Variants in ARHGEF10 observed in about 807,000 individuals in gnomAD.
ARHGEF10 encodes the protein Rho guanine nucleotide exchange factor (GEF) 10.
In ARHGEF10, 140 loss-of-function variants were observed where a neutral mutation model predicts 147.4. The observed-to-expected ratio is 0.95, with a 90% CI of 0.83 to 1.09. The LOEUF (loss-of-function observed/expected upper bound fraction) is 1.09. Ranked by LOEUF, ARHGEF10 falls within the 50% of genes least tolerant of loss-of-function variation. ARHGEF10 has a pLI of 0.00. For missense variants in ARHGEF10, 2,222 were observed against 1,752.7 expected (o/e 1.27, Z -4.78); for synonymous variants, 902 against 695.8 (o/e 1.30, Z -4.67).
intron 27 of ARHGEF10, among the ~76,000 whole-genome samples, chr8:1,949,408 C>T (rs377376819): frequency 4.1e-4 from 62 of 152,278 alleles, no homozygotes; most frequent in African/African-American, 1.3e-3. Context: ...TTAGAGCGGT[C>T]GTTACCTTTC....
rs762833112 is a variant in ARHGEF10, at chr8:1,898,477, G to A, written c.1602G>A (p.Leu534=). Reference sequence around the variant, plus strand: ...CCGATCGAACCACGCTCTACAGCCTGATGATGAAGCCCATCCAGAGGTTCC... The same window carrying A: ...CCGATCGAACCACGCTCTACAGCCTAATGATGAAGCCCATCCAGAGGTTCC... The part of the protein sequence containing the change: ...ASPDRTTLYS[L]MMKPIQRFPQ... Residue 534 remains leucine, a synonymous_variant, in exon 15 of 29, where the codon CTG becomes CTA. Coordinates refer to ENST00000349830, the MANE Select transcript of ARHGEF10 (RefSeq NM_014629.4). The A allele has an allele frequency of 6.2e-7, 1 of 1,614,162 alleles. No individual in the cohort carries two copies. Among genetic ancestry groups the A allele is most frequent in the Admixed American group, 1.7e-5 (1 of 60,020 alleles).
intron 6 of ARHGEF10, 142 bp downstream of exon 6, chr8:1,866,744 G>C (rs1424511571): frequency 4.5e-6 from 4 of 883,878 alleles, no homozygotes; most frequent in Middle Eastern, 6.5e-4. Context: ...AGTAACATGG[G>C]CTGACTGTGC....
chr8:1,888,878 G>GT lies in ARHGEF10; in HGVS notation c.1182+3173dup, dbSNP rs1290759976. On this transcript the variant is annotated intron_variant, in intron 11 of 28. Transcript: ENST00000349830. ...TGAGGAGACACTGAGTGGGGTGAGA[G>GT]TTATGAGGAGACACTGAGTTGGGTG... Among the ~76,000 whole-genome samples the GT allele has an allele frequency of 4.6e-4, 35 of 75,510 alleles. 3 individuals carry two copies. The highest frequency in any genetic ancestry group is 2.0e-3 in the African/African-American group (29 of 14,842). 49.5% of individuals were successfully genotyped at this position (75,510 alleles called of 152,430 possible). A position where few individuals can be genotyped will look rare whatever the true frequency, so the allele number is the denominator to read the frequency against.
At chr8:1,860,245 C>T (rs905207040) in intron 4 of ARHGEF10, 61 bp downstream of exon 4, 24 of 1,516,040 alleles carry the variant, frequency 1.6e-5, no homozygotes, top group Non-Finnish European at 2.2e-5. Flanking sequence ...TCTCCACGCC[C>T]CCGAAGTGGC....
intron 26 of ARHGEF10, among the ~76,000 whole-genome samples, chr8:1,935,925 C>G (rs992026402): frequency 2.6e-5 from 4 of 152,232 alleles, no homozygotes; most frequent in Non-Finnish European, 5.9e-5. Flanking sequence ...CGAGCTCACT[C>G]CGAGGGAGGC....
chr8:1,832,636 G>T (rs1269248778), intron 1 of ARHGEF10, among the ~76,000 whole-genome samples: 1 of 43,610 alleles, frequency 2.3e-5, no homozygotes, highest in Non-Finnish European at 4.4e-5. Flanking sequence ...AGAGACAGAG[G>T]CAGAGGCAGA....
chr8:1,920,879 C>T (rs1310313423), intron 18 of ARHGEF10, among the ~76,000 whole-genome samples: 1 of 152,046 alleles, frequency 6.6e-6, no homozygotes, highest in South Asian at 2.1e-4. Flanking sequence ...CCTCCGCCTT[C>T]CAGCTTCAAG....
intron 1 of ARHGEF10, among the ~76,000 whole-genome samples, chr8:1,824,983 A>C (rs1269615704): frequency 7.7e-5 from 1 of 13,060 alleles, no homozygotes. Context: ...CTCGCACCCC[A>C]CCTGTCCTCC....
intron 21 of ARHGEF10, among the ~76,000 whole-genome samples, chr8:1,924,751 G>C (rs1812558077): frequency 6.6e-6 from 1 of 152,194 alleles, no homozygotes; most frequent in Admixed American, 6.5e-5. Flanking sequence ...TCTCTAAAGA[G>C]AATGAGCTGA....
At chr8:1,829,622 A>G (rs1020547670) in intron 1 of ARHGEF10, among the ~76,000 whole-genome samples, 3 of 152,226 alleles carry the variant, frequency 2.0e-5, no homozygotes, top group African/African-American at 7.2e-5. Context: ...CTCTGCATTC[A>G]GCCAGCAGAG....
chr8:1,934,372 A>AAG lies in ARHGEF10; in HGVS notation c.3222+430_3222+431insAG, dbSNP rs1554511986. 5.2e-4 allele frequency among the ~76,000 whole-genome samples: 77 copies of AAG among 149,092 alleles called. 2 individuals are homozygous for AAG. Among genetic ancestry groups the AAG allele is most frequent in the Admixed American group, 8.0e-4 (12 of 15,026 alleles). On this transcript the variant is annotated intron_variant, in intron 26 of 28. Transcript: ENST00000349830. ...CTGTCTCCAAAAAAAAAAAAAAAAA[A>AAG]GGAAAGGGAAAGAAAATTCCTTCTA... is the stretch of plus-strand genomic sequence containing the variant.
At chr8:1,952,887 C>G in intron 28 of ARHGEF10, 60 bp downstream of exon 28, 1 of 1,610,190 alleles carries the variant, frequency 6.2e-7, no homozygotes, top group Non-Finnish European at 8.5e-7. Flanking sequence ...TGGAGCATAG[C>G]AGTGTGTAGT....
chr8:1,953,505 G>A (rs1052398532), intron 28 of ARHGEF10, among the ~76,000 whole-genome samples: 1 of 152,272 alleles, frequency 6.6e-6, no homozygotes, highest in South Asian at 2.1e-4. Flanking sequence ...TCCCGTTAGG[G>A]ATTGGAGGCC....
At chr8:1,825,500 C>T (rs549066235) in intron 1 of ARHGEF10, among the ~76,000 whole-genome samples, 3 of 147,786 alleles carry the variant, frequency 2.0e-5, no homozygotes, top group African/African-American at 7.6e-5. Flanking sequence ...CAGCTGTCCC[C>T]CCCGTACTCC....
chr8:1,848,962 T>G (rs1325140781), intron 2 of ARHGEF10, among the ~76,000 whole-genome samples: 2 of 152,204 alleles, frequency 1.3e-5, no homozygotes, highest in African/African-American at 4.8e-5. Flanking sequence ...TATTAAGATA[T>G]AATTCATATC....
Position 1,860,122 on chromosome 8 carries a change from C to T in ARHGEF10, c.419C>T (p.Pro140Leu). 2 of 1,614,048 alleles carry T rather than the reference C, an allele frequency of 1.2e-6. No homozygotes were observed. Among genetic ancestry groups the T allele is most frequent in the Non-Finnish European group, 1.7e-6 (2 of 1,179,990 alleles). Reference protein sequence around the residue: ...PCGYAVPSNLPLLLPAYSSPV... With the variant: ...PCGYAVPSNLLLLLPAYSSPV... ...GGCTATGCGGTGCCCTCCAACCTGC[C>T]CCTCCTGCTGCCCGCCTACTCCAGC... is the stretch of plus-strand genomic sequence containing the variant. Residue 140 changes from proline (P) to leucine (L), a missense_variant, in exon 4 of 29, where the codon CCC becomes CTC. Coordinates refer to ENST00000349830, the MANE Select transcript of ARHGEF10 (RefSeq NM_014629.4).
chr8:1,912,920 C>T (rs1202183771), intron 18 of ARHGEF10, among the ~76,000 whole-genome samples: 1 of 152,156 alleles, frequency 6.6e-6, no homozygotes, highest in African/African-American at 2.4e-5. Flanking sequence ...TGGCCTGGTG[C>T]AGCGTCTTTG....
intron 21 of ARHGEF10, 74 bp from the exon 22 acceptor site, chr8:1,925,209 G>A: frequency 6.3e-7 from 1 of 1,597,500 alleles, no homozygotes; most frequent in South Asian, 1.1e-5. Flanking sequence ...CCCCTGCTAT[G>A]ACCTGTGGAG....
intron 4 of ARHGEF10, among the ~76,000 whole-genome samples, chr8:1,863,645 C>T (rs1014982489): frequency 6.6e-6 from 1 of 152,088 alleles, no homozygotes; most frequent in Non-Finnish European, 1.5e-5. Context: ...CTGGCTTCTG[C>T]CCAGGAGCCC....
Sources: allele counts gnomAD v4.1 joint callset (sites outside exome capture counted in the v4.1 genomes callset), GRCh38; gene constraint gnomAD v4.1.1; transcripts MANE v1.5; gene names NCBI Gene and HGNC (gene_info 2026-07-23, HGNC 2026-07-21).